HECW2: variants seen among roughly 807,000 people sequenced by gnomAD.
HECW2 encodes the protein HECT, C2 and WW domain containing E3 ubiquitin protein ligase 2.
HECW2 carries 61 observed loss-of-function variants against 175.2 expected under a neutral mutation model. The ratio of observed to expected loss-of-function variants is 0.35; its 90% CI spans 0.28 to 0.43. The LOEUF (loss-of-function observed/expected upper bound fraction) is 0.43. Ranked by LOEUF, HECW2 falls within the 20% of genes least tolerant of loss-of-function variation. The probability of loss-of-function intolerance (pLI) is 1.00; values close to 1 mark genes in which losing one functional copy is unlikely to be tolerated. For synonymous variants in HECW2, 671 were observed against 731.0 expected, an observed-to-expected ratio of 0.92 and a Z score of 1.32; for missense variants, 1,524 against 2,000.5, an observed-to-expected ratio of 0.76 and a Z score of 4.54.
At chr2:196,324,777 T>C (rs141390720) in intron 6 of HECW2, among the ~76,000 whole-genome samples, 149 of 152,312 alleles carry the variant, frequency 9.8e-4, no homozygotes, top group African/African-American at 3.4e-3. Context: ...CCTTAAATTG[T>C]TCCCCTGATG....
At chr2:196,439,466 A>T (rs190438422) in intron 1 of HECW2, among the ~76,000 whole-genome samples, 193 of 152,340 alleles carry the variant, frequency 1.3e-3, no homozygotes, top group Middle Eastern at 6.8e-3. Flanking sequence ...TCCAGGGCTC[A>T]GAAATTAGCC....
intron 2 of HECW2, among the ~76,000 whole-genome samples, chr2:196,369,342 G>GTCTCTCTCTCTCTCTCTCTCTCTCTC (rs71410611): frequency 9.1e-5 from 12 of 131,554 alleles, no homozygotes; most frequent in South Asian, 2.7e-4. Flanking sequence ...AACAAATGGA[G>GTCTCTCTCTCTCTCTCTCTCTCTCTC]TCTCTCTCTC....
At chr2:196,405,756 T>C (rs961899470) in intron 2 of HECW2, among the ~76,000 whole-genome samples, 11 of 152,094 alleles carry the variant, frequency 7.2e-5, no homozygotes, top group African/African-American at 1.9e-4. Context: ...CATTGCTTTG[T>C]CCCCCTTCAC....
At chr2:196,398,331 C>G (rs958796603) in intron 2 of HECW2, among the ~76,000 whole-genome samples, 1 of 152,168 alleles carries the variant, frequency 6.6e-6, no homozygotes, top group East Asian at 1.9e-4. Flanking sequence ...CAGAGAAACA[C>G]AGACATATAG....
chr2:196,323,565 T>C (rs1692027336), intron 6 of HECW2, among the ~76,000 whole-genome samples: 1 of 152,214 alleles, frequency 6.6e-6, no homozygotes, highest in African/African-American at 2.4e-5. Flanking sequence ...CCAAGCAATT[T>C]GGCAGTCTGC....
chr2:196,322,700 G>T (rs1430119019), intron 6 of HECW2, 80 bp from the exon 7 acceptor site: 4 of 1,289,840 alleles, frequency 3.1e-6, no homozygotes, highest in African/African-American at 1.5e-5. Context: ...TATAGGAAAT[G>T]GTATCTCTTA....
chr2:196,296,015 A>G (rs1405713475), intron 13 of HECW2, among the ~76,000 whole-genome samples: 2 of 152,216 alleles, frequency 1.3e-5, no homozygotes, highest in Admixed American at 6.5e-5. Flanking sequence ...CATGACTGTT[A>G]GGGTCTATAC....
intron 5 of HECW2, among the ~76,000 whole-genome samples, 175 bp from the exon 6 acceptor site, chr2:196,325,324 C>G (rs1692107979): frequency 6.6e-6 from 1 of 152,148 alleles, no homozygotes; most frequent in African/African-American, 2.4e-5. Flanking sequence ...AGGCTCTAAA[C>G]AGAAACGGCT....
chr2:196,513,562 AC>A (rs1265991400), intron 1 of HECW2, among the ~76,000 whole-genome samples: 1 of 152,194 alleles, frequency 6.6e-6, no homozygotes, highest in Non-Finnish European at 1.5e-5. Context: ...ATAATGCTCA[AC>A]CCCTATTCTC....
chr2:196,495,579 T>G (rs981499676), intron 1 of HECW2, among the ~76,000 whole-genome samples: 1 of 152,080 alleles, frequency 6.6e-6, no homozygotes, highest in Non-Finnish European at 1.5e-5. Flanking sequence ...GATTTAGACA[T>G]GCAGAGACAG....
At chr2:196,462,687 C>T (rs1696794257) in intron 1 of HECW2, among the ~76,000 whole-genome samples, 1 of 151,958 alleles carries the variant, frequency 6.6e-6, no homozygotes. Context: ...CCCACCCCTC[C>T]CCCCGAAAAA....
At chr2:196,557,981 A>G (rs1463609136) in intron 1 of HECW2, among the ~76,000 whole-genome samples, 1 of 152,200 alleles carries the variant, frequency 6.6e-6, no homozygotes, top group Non-Finnish European at 1.5e-5. Context: ...CATGCCAAGC[A>G]CCATATACTA....
rs1392704407 is a variant in HECW2, at chr2:196,240,580, A to G, written c.3651-18T>C. ...TAATTAACCTGTCCATAAAGAGACA[A>G]TTTAGAAAATACAAATTATTACTAT... On this transcript the variant is annotated intron_variant, in intron 20 of 28. Coordinates refer to ENST00000644978, the MANE Select transcript of HECW2 (RefSeq NM_001348768.2). 6.4e-7 allele frequency: 1 copy of G among 1,564,318 alleles called. No homozygotes were observed. The highest frequency in any genetic ancestry group is 8.6e-7 in the Non-Finnish European group (1 of 1,160,850).
chr2:196,304,642 G>T (rs1691192878), intron 13 of HECW2, among the ~76,000 whole-genome samples: 1 of 152,204 alleles, frequency 6.6e-6, no homozygotes, highest in African/African-American at 2.4e-5. Context: ...CTCCAAGTCT[G>T]AGTCTCTTCC....
chr2:196,336,588 C>T (rs1053247933), intron 3 of HECW2, among the ~76,000 whole-genome samples: 1 of 151,950 alleles, frequency 6.6e-6, no homozygotes, highest in African/African-American at 2.4e-5. Flanking sequence ...AGTTAGGATG[C>T]CATCTTCTTT....
intron 28 of HECW2, among the ~76,000 whole-genome samples, chr2:196,209,090 T>C (rs1687172005): frequency 6.6e-6 from 1 of 152,040 alleles, no homozygotes; most frequent in African/African-American, 2.4e-5. Context: ...CAAGGAAAAG[T>C]GGGTAAGCAT....
At chr2:196,309,880 G>A (rs1359714600) in intron 10 of HECW2, among the ~76,000 whole-genome samples, 1 of 152,100 alleles carries the variant, frequency 6.6e-6, no homozygotes, top group Non-Finnish European at 1.5e-5. Context: ...TGGCAGTTAT[G>A]GCAGAAAAGA....
chr2:196,402,932 G>C (rs945408615), intron 2 of HECW2, among the ~76,000 whole-genome samples: 1 of 150,068 alleles, frequency 6.7e-6, no homozygotes, highest in Non-Finnish European at 1.5e-5. Context: ...TCAGCCTCCC[G>C]AGTAGCTGGG....
chr2:196,278,756 C>A, intron 14 of HECW2, 94 bp from the exon 15 acceptor site: 1 of 1,366,464 alleles, frequency 7.3e-7, no homozygotes, highest in South Asian at 1.2e-5. Context: ...ACTTCTGAGT[C>A]ACAATCTTAG....
Sources: allele counts gnomAD v4.1 joint callset (sites outside exome capture counted in the v4.1 genomes callset), GRCh38; gene constraint gnomAD v4.1.1; transcripts MANE v1.5; gene names NCBI Gene and HGNC (gene_info 2026-07-23, HGNC 2026-07-21).